The following CTDSPL2 variants were observed in gnomAD, a reference collection of about 807,000 sequenced individuals.
CTDSPL2 encodes the protein CTD small phosphatase like 2.
In CTDSPL2, 5 loss-of-function variants were observed where a neutral mutation model predicts 60.0. That is an observed-to-expected ratio of 0.08 (90% CI 0.04 to 0.18). The LOEUF is 0.18. Among genes scored for constraint, CTDSPL2 ranks in the 10% least tolerant of loss-of-function variants. The probability of loss-of-function intolerance (pLI) is 1.00; values close to 1 mark genes in which losing one functional copy is unlikely to be tolerated. For synonymous variants in CTDSPL2, 186 were observed against 189.3 expected, an observed-to-expected ratio of 0.98 and a Z score of 0.14; for missense variants, 370 against 548.8, an observed-to-expected ratio of 0.67 and a Z score of 3.26.
In CTDSPL2 at chr15:44,526,776, T is replaced by C. The variant is rs1407720720; in HGVS notation, c.*2602T>C. Reference sequence around the variant, plus strand: ...GAGGTGTGTATTTTTTAAATTGAAATGTGCCCAGCCCCTTCAGCTCACACA... The same window carrying C: ...GAGGTGTGTATTTTTTAAATTGAAACGTGCCCAGCCCCTTCAGCTCACACA... On this transcript the variant is annotated 3_prime_UTR_variant, in exon 13 of 13. Transcript: ENST00000260327. 1 of 152,206 alleles carries C rather than the reference T, an allele frequency of 6.6e-6. No individual in the cohort carries two copies. Among genetic ancestry groups the C allele is most frequent in the African/African-American group, 2.4e-5 (1 of 41,434 alleles). 9.4% of individuals were successfully genotyped at this position (152,206 alleles called of 1,614,324 possible).
At chr15:44,502,823 T>A (rs2081401881) in intron 8 of CTDSPL2, among the ~76,000 whole-genome samples, 1 of 152,184 alleles carries the variant, frequency 6.6e-6, no homozygotes, top group Non-Finnish European at 1.5e-5. Context: ...AAAGTTTTTT[T>A]AAAATCAAAG....
At chr15:44,467,596 C>T (rs1466312852) in intron 2 of CTDSPL2, among the ~76,000 whole-genome samples, 9 of 151,776 alleles carry the variant, frequency 5.9e-5, no homozygotes, top group South Asian at 2.1e-4. Flanking sequence ...TTTTTTGAGA[C>T]GGAGTCTCAC....
intron 5 of CTDSPL2, among the ~76,000 whole-genome samples, chr15:44,493,283 A>G (rs2081246877): frequency 6.6e-6 from 1 of 152,200 alleles, no homozygotes; most frequent in Non-Finnish European, 1.5e-5. Flanking sequence ...GGCATTTAGT[A>G]TGAGTGACAA....
Position 44,435,897 on chromosome 15 carries a change from G to A in CTDSPL2, c.-25+8125G>A, listed in dbSNP as rs561754058. 3.9e-5 allele frequency among the ~76,000 whole-genome samples: 6 copies of A among 152,194 alleles called. No homozygotes were observed. In the East Asian group the frequency reaches 5.8e-4, roughly 15 times the overall value. On this transcript the variant is annotated intron_variant, in intron 1 of 12. Coordinates refer to ENST00000260327, the MANE Select transcript of CTDSPL2 (RefSeq NM_016396.3). ...GCTGGGATTACAGGTGTGAGCCATC[G>A]CACCTGGCCAAGTTGATATTTTATA...
At chr15:44,489,080 TCCCCAC>T (rs2140799837) in intron 4 of CTDSPL2, among the ~76,000 whole-genome samples, 1 of 152,050 alleles carries the variant, frequency 6.6e-6, no homozygotes, top group South Asian at 2.1e-4. Flanking sequence ...TGTCTCTCTC[TCCCCAC>T]CCCATACACA....
intron 8 of CTDSPL2, among the ~76,000 whole-genome samples, chr15:44,506,988 C>T (rs1441354148): frequency 6.7e-6 from 1 of 150,112 alleles, no homozygotes; most frequent in Non-Finnish European, 1.5e-5. Flanking sequence ...AGGACGGTCT[C>T]AATCTCCTGA....
At chr15:44,507,350 C>T (rs1029855277) in intron 8 of CTDSPL2, among the ~76,000 whole-genome samples, 1 of 152,230 alleles carries the variant, frequency 6.6e-6, no homozygotes, top group African/African-American at 2.4e-5. Context: ...TCCCAAAGTG[C>T]TGGGATTGTA....
chr15:44,443,614 A>G (rs991997612), intron 1 of CTDSPL2, among the ~76,000 whole-genome samples: 11 of 152,058 alleles, frequency 7.2e-5, no homozygotes, highest in Non-Finnish European at 1.2e-4. Flanking sequence ...ATGAGTGTGA[A>G]GCTGTTTTTT....
intron 7 of CTDSPL2, 149 bp from the exon 8 acceptor site, chr15:44,499,578 A>T (rs2081355077): frequency 2.4e-6 from 1 of 425,410 alleles, no homozygotes; most frequent in Non-Finnish European, 4.2e-6. Flanking sequence ...TCCTACCCCA[A>T]ATTGCTGTGC....
chr15:44,486,825 G>A (rs990642946), intron 4 of CTDSPL2, 125 bp downstream of exon 4: 20 of 634,368 alleles, frequency 3.2e-5, no homozygotes, highest in South Asian at 2.9e-4. Flanking sequence ...GCAGTGACGC[G>A]ATCTCCCCGC....
At chr15:44,476,948 G>A (rs1254135332) in intron 2 of CTDSPL2, among the ~76,000 whole-genome samples, 1 of 152,198 alleles carries the variant, frequency 6.6e-6, no homozygotes, top group Admixed American at 6.5e-5. Flanking sequence ...ACAAGGTTGG[G>A]CACCATGGCT....
chr15:44,496,456 C>T lies in CTDSPL2; in HGVS notation c.768C>T (p.Asp256=). The change falls in exon 6 of 13, where the codon GAC becomes GAT. Residue 256 remains aspartate, a splice_region_variant and synonymous_variant. Coordinates refer to ENST00000260327, the MANE Select transcript of CTDSPL2 (RefSeq NM_016396.3). The stretch of plus-strand genomic sequence containing the variant: ...ATGAAGAAGACTGGGAAGTATTTGA[C>T]CCGTGAGTTGCTTTTTTCTCTTTTT... The part of the protein sequence containing the change: ...ATYEEDWEVF[D]PYYFIKHVPP... The T allele has an allele frequency of 6.2e-7, 1 of 1,612,406 alleles. No individual in the cohort carries two copies. Among genetic ancestry groups the T allele is most frequent in the African/African-American group, 1.3e-5 (1 of 74,978 alleles).
In CTDSPL2 at chr15:44,496,478, T is replaced by C. The variant is rs1484414857; in HGVS notation, c.770+20T>C. On this transcript the variant is annotated intron_variant, in intron 6 of 12. Coordinates refer to ENST00000260327, the MANE Select transcript of CTDSPL2 (RefSeq NM_016396.3). The stretch of plus-strand genomic sequence containing the variant: ...TGACCCGTGAGTTGCTTTTTTCTCT[T>C]TTTTTCTTTCCTTTTTGGAGCATGA... 6.3e-7 allele frequency: 1 copy of C among 1,595,288 alleles called. No individual in the cohort carries two copies. The highest frequency in any genetic ancestry group is 8.6e-7 in the Non-Finnish European group (1 of 1,163,490).
chr15:44,466,246 G>A (rs1177330933), intron 2 of CTDSPL2, among the ~76,000 whole-genome samples: 1 of 151,842 alleles, frequency 6.6e-6, no homozygotes, highest in East Asian at 1.9e-4. Context: ...CAGAACTCTT[G>A]ACCTCAAGTG....
At chr15:44,512,737 T>C in intron 8 of CTDSPL2, among the ~76,000 whole-genome samples, 1 of 152,182 alleles carries the variant, frequency 6.6e-6, no homozygotes, top group African/African-American at 2.4e-5. Context: ...TGCTGAGGAT[T>C]TGGTTCTTTT....
In CTDSPL2 at chr15:44,487,019, C is replaced by T. The variant is rs142341421; in HGVS notation, c.475+319C>T. Among the ~76,000 whole-genome samples the T allele has an allele frequency of 1.1e-4, 16 of 152,202 alleles. No homozygotes were observed. In the East Asian group the frequency reaches 1.5e-3, roughly 15 times the overall value. On this transcript the variant is annotated intron_variant, in intron 4 of 12. Coordinates refer to ENST00000260327, the MANE Select transcript of CTDSPL2 (RefSeq NM_016396.3). ...TGACCTTCAAGTGATCCGCCCACCT[C>T]GGATTCCCAAAGTGCTGGAATTACA...
Position 44,524,099 on chromosome 15 carries a change from T to G in CTDSPL2, c.1336-10T>G, listed in dbSNP as rs747539235. 6 of 1,613,066 alleles carry G rather than the reference T, an allele frequency of 3.7e-6. No homozygotes were observed. In the South Asian group the frequency reaches 5.5e-5, roughly 15 times the overall value. ...TATGCCTTTTTAAAAATTGTCTTTT[T>G]TCCACGCAGAATGAAGATGTTCGAC... On this transcript the variant is annotated splice_polypyrimidine_tract_variant and intron_variant, in intron 12 of 12. Transcript: ENST00000260327.
At chr15:44,468,468 A>G (rs1328728613) in intron 2 of CTDSPL2, among the ~76,000 whole-genome samples, 5 of 152,116 alleles carry the variant, frequency 3.3e-5, no homozygotes, top group Admixed American at 6.6e-5. Flanking sequence ...AGGGATTTTT[A>G]ATATTAACTG....
chr15:44,497,198 A>G, intron 7 of CTDSPL2, 60 bp downstream of exon 7: 1 of 955,822 alleles, frequency 1.0e-6, no homozygotes. Flanking sequence ...TTTTAGAATC[A>G]TGCTTATGTT....
Sources: gnomAD v4.1 joint callset for allele counts (sites outside exome capture counted in the v4.1 genomes callset) on GRCh38, gnomAD v4.1.1 for gene constraint, MANE v1.5 for transcripts, NCBI Gene and HGNC (gene_info 2026-07-23, HGNC 2026-07-21) for gene names.